The following MED12L variants were observed in gnomAD, a reference collection of about 807,000 sequenced individuals.
MED12L encodes mediator of RNA polymerase II transcription subunit 12-like protein.
A neutral mutation model predicts 281.3 loss-of-function variants in MED12L; 60 were observed. That is an observed-to-expected ratio of 0.21 (90% CI 0.17 to 0.26). MED12L has a LOEUF of 0.26. MED12L is among the 10% of genes least tolerant of loss of function. MED12L has a pLI of 1.00. For synonymous variants in MED12L, 974 were observed against 987.2 expected, an observed-to-expected ratio of 0.99 and a Z score of 0.25; for missense variants, 2,146 against 2,680.9, an observed-to-expected ratio of 0.80 and a Z score of 4.41.
intron 2 of MED12L, among the ~76,000 whole-genome samples, chr3:151,099,499 A>G (rs1279624339): frequency 1.3e-5 from 2 of 152,228 alleles, no homozygotes; most frequent in Non-Finnish European, 1.5e-5. Flanking sequence ...TAGTGAAAAA[A>G]GAGTGGCATT....
At chr3:151,391,253 C>T (rs1714196511) in intron 38 of MED12L, among the ~76,000 whole-genome samples, 1 of 152,118 alleles carries the variant, frequency 6.6e-6, no homozygotes. Context: ...GGTAGCCTGA[C>T]CCCACAGACA....
chr3:151,141,727 T>A (rs1420018845), intron 5 of MED12L, among the ~76,000 whole-genome samples: 1 of 152,236 alleles, frequency 6.6e-6, no homozygotes, highest in Non-Finnish European at 1.5e-5. Context: ...TCCATCTTCC[T>A]CTTTGGCAAC....
chr3:151,436,495 T>C lies in MED12L; in HGVS notation c.*3691T>C. 2.2e-6 allele frequency: 1 copy of C among 463,096 alleles called. No individual in the cohort carries two copies. Among genetic ancestry groups the C allele is most frequent in the Non-Finnish European group, 3.8e-6 (1 of 266,602 alleles). 28.7% of individuals were successfully genotyped at this position (463,096 alleles called of 1,614,324 possible). A position where few individuals can be genotyped will look rare whatever the true frequency, so the allele number is the denominator to read the frequency against. ...AAGTGCCTTAAGTTAAAAGTTTGTT[T>C]TGAGATCCATTAAATAAATCAGTAT... On this transcript the variant is annotated 3_prime_UTR_variant, in exon 45 of 45. Transcript: ENST00000687756.
chr3:151,096,359 A>G (rs1211061918), intron 2 of MED12L, among the ~76,000 whole-genome samples: 1 of 152,100 alleles, frequency 6.6e-6, no homozygotes, highest in Non-Finnish European at 1.5e-5. Context: ...TTGAATAATC[A>G]TGAGGGCCAC....
At chr3:151,191,124 CTT>C (rs1045675245) in intron 14 of MED12L, among the ~76,000 whole-genome samples, 193 bp downstream of exon 14, 20 of 152,272 alleles carry the variant, frequency 1.3e-4, no homozygotes, top group Admixed American at 9.8e-4. Flanking sequence ...CAGAATTTCC[CTT>C]TGGATACTAT....
chr3:151,132,851 A>G (rs758756565), intron 5 of MED12L, among the ~76,000 whole-genome samples: 3 of 152,232 alleles, frequency 2.0e-5, no homozygotes, highest in African/African-American at 7.2e-5. Flanking sequence ...CAAATTATAC[A>G]GTATATTTGA....
chr3:151,294,372 G>A, intron 16 of MED12L: 1 of 1,613,992 alleles, frequency 6.2e-7, no homozygotes, highest in Non-Finnish European at 8.5e-7. Flanking sequence ...CAGTAATATA[G>A]GATTTTTTGT....
chr3:151,099,100 C>G (rs1405317185), intron 2 of MED12L, among the ~76,000 whole-genome samples: 1 of 152,170 alleles, frequency 6.6e-6, no homozygotes, highest in Non-Finnish European at 1.5e-5. Flanking sequence ...AGGTCCCTCC[C>G]ATAACAGGTG....
chr3:151,133,907 C>T (rs941682037), intron 5 of MED12L, among the ~76,000 whole-genome samples: 2 of 152,116 alleles, frequency 1.3e-5, no homozygotes, highest in East Asian at 3.9e-4. Context: ...TAGTAAATAA[C>T]GGAATTTTGT....
At chr3:151,242,114 G>C (rs1734256090) in intron 16 of MED12L, among the ~76,000 whole-genome samples, 1 of 152,218 alleles carries the variant, frequency 6.6e-6, no homozygotes. Context: ...ACCTGGCTCG[G>C]AGGGTCCTAC....
intron 44 of MED12L, among the ~76,000 whole-genome samples, chr3:151,431,678 A>G (rs1488352405): frequency 6.6e-6 from 1 of 152,190 alleles, no homozygotes; most frequent in African/African-American, 2.4e-5. Flanking sequence ...GTGTTTAGAA[A>G]TAGGTAACTA....
intron 16 of MED12L, among the ~76,000 whole-genome samples, chr3:151,224,242 AT>A (rs1189922426): frequency 6.6e-6 from 1 of 151,770 alleles, no homozygotes; most frequent in East Asian, 1.9e-4. Flanking sequence ...ACTTTTATAT[AT>A]TTTTTTTCCT....
intron 5 of MED12L, among the ~76,000 whole-genome samples, chr3:151,130,236 TTTC>T (rs754241768): frequency 3.0e-4 from 45 of 152,028 alleles, no homozygotes; most frequent in African/African-American, 7.5e-4. Context: ...CTTCCTGACA[TTTC>T]TTCTTAGTAA....
intron 42 of MED12L, among the ~76,000 whole-genome samples, chr3:151,415,568 A>T (rs1203710170): frequency 6.6e-6 from 1 of 152,260 alleles, no homozygotes; most frequent in Non-Finnish European, 1.5e-5. Context: ...ATAGTATGCA[A>T]ACCAAGTTGG....
intron 16 of MED12L, among the ~76,000 whole-genome samples, chr3:151,204,438 C>T (rs1726082207): frequency 6.6e-6 from 1 of 152,072 alleles, no homozygotes; most frequent in Non-Finnish European, 1.5e-5. Context: ...CTCCCAAATT[C>T]ATATAATTAT....
chr3:151,360,680 T>C (rs1754498794), intron 21 of MED12L, 75 bp downstream of exon 21: 2 of 1,343,418 alleles, frequency 1.5e-6, no homozygotes, highest in African/African-American at 1.5e-5. Flanking sequence ...AATATTGTCA[T>C]CCTTTTGAAT....
intron 11 of MED12L, among the ~76,000 whole-genome samples, chr3:151,181,333 TAA>T (rs1259256919): frequency 6.6e-6 from 1 of 152,122 alleles, no homozygotes; most frequent in Non-Finnish European, 1.5e-5. Context: ...TCTATTCTTT[TAA>T]AAATAAAAAT....
intron 5 of MED12L, among the ~76,000 whole-genome samples, chr3:151,154,689 ATTTTTG>A (rs1425776756): frequency 6.6e-6 from 1 of 152,084 alleles, no homozygotes; most frequent in African/African-American, 2.4e-5. Context: ...GATCCTTGTT[ATTTTTG>A]TTTTTGCTTA....
chr3:151,247,361 G>C (rs575510628), intron 16 of MED12L, among the ~76,000 whole-genome samples: 17 of 152,134 alleles, frequency 1.1e-4, no homozygotes, highest in Admixed American at 2.6e-4. Context: ...TTGGAACCAA[G>C]CCAAATGTCC....
Sources: allele counts gnomAD v4.1 joint callset (sites outside exome capture counted in the v4.1 genomes callset), GRCh38; gene constraint gnomAD v4.1.1; transcripts MANE v1.5; gene names NCBI Gene and HGNC (gene_info 2026-07-23, HGNC 2026-07-21).